KLHDC1: variants seen among roughly 807,000 people sequenced by gnomAD.
The protein encoded by KLHDC1 is kelch domain-containing protein 1.
In KLHDC1, 53 loss-of-function variants were observed where a neutral mutation model predicts 68.3. The observed-to-expected ratio is 0.78, with a 90% CI of 0.62 to 0.98. The LOEUF (loss-of-function observed/expected upper bound fraction) is 0.98. KLHDC1 is among the 50% of genes least tolerant of loss of function. The pLI, the probability that KLHDC1 is intolerant of heterozygous loss-of-function variation, is 0.00. For missense variants in KLHDC1, 470 were observed against 492.3 expected, an observed-to-expected ratio of 0.95 and a Z score of 0.43; for synonymous variants, 148 against 159.0, an observed-to-expected ratio of 0.93 and a Z score of 0.52.
chr14:49,733,938 A>G (rs1888874928), intron 9 of KLHDC1, among the ~76,000 whole-genome samples: 1 of 152,208 alleles, frequency 6.6e-6, no homozygotes, highest in Admixed American at 6.5e-5. Context: ...GATGTTAGTT[A>G]TTCTTGCACA....
chr14:49,704,387 G>GTTTTTTT lies in KLHDC1; in HGVS notation c.97-4754_97-4748dup, dbSNP rs35067251. 2.5e-3 allele frequency among the ~76,000 whole-genome samples: 173 copies of GTTTTTTT among 68,728 alleles called. 5 individuals are homozygous for GTTTTTTT. The highest frequency in any genetic ancestry group is 2.8e-3 in the Non-Finnish European group (113 of 41,028). 45.1% of individuals were successfully genotyped at this position (68,728 alleles called of 152,430 possible). A position where few individuals can be genotyped will look rare whatever the true frequency, so the allele number is the denominator to read the frequency against. ...GTCTTTTTATTTTTTTTCCTTTTCT[G>GTTTTTTT]TTTTTTTTTTTTTTTTTTTTTTTTG... On this transcript the variant is annotated intron_variant, in intron 1 of 12. Coordinates refer to ENST00000359332, the MANE Select transcript of KLHDC1 (RefSeq NM_172193.3).
At chr14:49,731,084 A>G (rs1888795373) in intron 8 of KLHDC1, among the ~76,000 whole-genome samples, 1 of 152,214 alleles carries the variant, frequency 6.6e-6, no homozygotes, top group Admixed American at 6.5e-5. Flanking sequence ...GTTCTTAACC[A>G]GCCTGACTAA....
chr14:49,706,358 C>T (rs1436207240), intron 1 of KLHDC1, among the ~76,000 whole-genome samples: 1 of 152,050 alleles, frequency 6.6e-6, no homozygotes, highest in Non-Finnish European at 1.5e-5. Context: ...GTATGAGTAC[C>T]ACATTTTCTT....
intron 1 of KLHDC1, among the ~76,000 whole-genome samples, chr14:49,693,681 A>C (rs1427417973): frequency 6.7e-6 from 1 of 149,490 alleles, no homozygotes; most frequent in Non-Finnish European, 1.5e-5. Context: ...CCTTATTCCC[A>C]CGGCGCGATT....
At chr14:49,712,317 T>C (rs1326167878) in intron 4 of KLHDC1, among the ~76,000 whole-genome samples, 1 of 152,216 alleles carries the variant, frequency 6.6e-6, no homozygotes, top group African/African-American at 2.4e-5. Context: ...AGAAACCATG[T>C]CATTTGGCTA....
chr14:49,750,522 G>A (rs773625089), intron 12 of KLHDC1, among the ~76,000 whole-genome samples: 17 of 152,176 alleles, frequency 1.1e-4, no homozygotes, highest in Non-Finnish European at 2.4e-4. Context: ...TTGTTCCAGA[G>A]TGGAGGGAAA....
chr14:49,710,331 G>A lies in KLHDC1; in HGVS notation c.354G>A (p.Gly118=), dbSNP rs8017121. 13,659 of 1,611,672 alleles carry A rather than the reference G, an allele frequency of 8.5e-3. 977 individuals are homozygous for A. In the African/African-American group the frequency reaches 0.16, roughly 19 times the overall value. Reference sequence around the variant, plus strand: ...GGGAGAAAATCACCGACTTTGAAGGGCAACCACCTACACCACGTGATAAAC... The same window carrying A: ...GGGAGAAAATCACCGACTTTGAAGGACAACCACCTACACCACGTGATAAAC... The part of the protein sequence containing the change: ...YIWEKITDFE[G]QPPTPRDKLS... Residue 118 remains glycine (G), a synonymous_variant, in exon 4 of 13, where the codon GGG becomes GGA. Coordinates refer to ENST00000359332, the MANE Select transcript of KLHDC1 (RefSeq NM_172193.3).
At chr14:49,722,450 C>G (rs944454388) in intron 4 of KLHDC1, among the ~76,000 whole-genome samples, 1 of 152,082 alleles carries the variant, frequency 6.6e-6, no homozygotes, top group Non-Finnish European at 1.5e-5. Context: ...TGAACTCATC[C>G]TTTTTTATGG....
At chr14:49,693,975 C>A (rs1478266247) in intron 1 of KLHDC1, among the ~76,000 whole-genome samples, 6 of 151,674 alleles carry the variant, frequency 4.0e-5, no homozygotes, top group Admixed American at 1.3e-4. Flanking sequence ...TGGTCTTGAA[C>A]TCGCGACCTC....
intron 12 of KLHDC1, among the ~76,000 whole-genome samples, chr14:49,744,640 C>T (rs1442363877): frequency 3.3e-5 from 5 of 151,870 alleles, no homozygotes; most frequent in African/African-American, 1.2e-4. Context: ...TAAATAATCT[C>T]TATATTACTC....
intron 11 of KLHDC1, among the ~76,000 whole-genome samples, chr14:49,743,213 A>G (rs988725519): frequency 6.6e-6 from 1 of 151,970 alleles, no homozygotes; most frequent in African/African-American, 2.4e-5. Context: ...CCTGGCCAAC[A>G]TGGCGAAACC....
In KLHDC1 at chr14:49,725,702, G is replaced by A; in HGVS notation, c.500G>A (p.Trp167Ter). 7.1e-7 allele frequency: 1 copy of A among 1,410,942 alleles called. No homozygotes were observed. The highest frequency in any genetic ancestry group is 9.3e-7 in the Non-Finnish European group (1 of 1,072,100). 87.4% of individuals were successfully genotyped at this position (1,410,942 alleles called of 1,614,324 possible). A position where few individuals can be genotyped will look rare whatever the true frequency, so the allele number is the denominator to read the frequency against. ...CTCTTTTAGGAAGAGCAGATATTCT[G>A]GGGATGGCATAATGATGTCCACATA... ...HDASWEEQIF[W>*]GWHNDVHIFD... Residue 167 changes from tryptophan to a stop codon, truncating the protein, a stop_gained, in exon 6 of 13, where the codon TGG becomes TAG. Transcript: ENST00000359332. LOFTEE classifies it high-confidence loss of function.
intron 10 of KLHDC1, among the ~76,000 whole-genome samples, chr14:49,739,620 T>A (rs1889012092): frequency 6.6e-6 from 1 of 152,164 alleles, no homozygotes; most frequent in Admixed American, 6.6e-5. Flanking sequence ...ACATCGCAGA[T>A]AGTAATAAGA....
At chr14:49,706,342 C>T (rs1475186891) in intron 1 of KLHDC1, among the ~76,000 whole-genome samples, 1 of 152,112 alleles carries the variant, frequency 6.6e-6, no homozygotes, top group Non-Finnish European at 1.5e-5. Context: ...AATGGTGCTC[C>T]ATTGTGTATG....
At chr14:49,733,430 CTT>C (rs763516095) in intron 9 of KLHDC1, among the ~76,000 whole-genome samples, 17 of 138,654 alleles carry the variant, frequency 1.2e-4, no homozygotes, top group Non-Finnish European at 1.1e-4. Context: ...ATTTTCTTTT[CTT>C]TTTTTTTTTT....
rs756017811 is a variant in KLHDC1 at position 49,732,809 on chromosome 14, C to T, written c.816C>T (p.Ile272=). 1.4e-6 allele frequency: 2 copies of T among 1,445,704 alleles called. No individual in the cohort carries two copies. Among genetic ancestry groups the T allele is most frequent in the Non-Finnish European group, 1.9e-6 (2 of 1,028,350 alleles). 89.6% of individuals were successfully genotyped at this position (1,445,704 alleles called of 1,614,324 possible). A position where few individuals can be genotyped will look rare whatever the true frequency, so the allele number is the denominator to read the frequency against. Residue 272 remains isoleucine, a synonymous_variant, in exon 9 of 13, where the codon ATC becomes ATT. Coordinates refer to ENST00000359332, the MANE Select transcript of KLHDC1 (RefSeq NM_172193.3). ...GTGGTGGACTAAGTGCAGATAATAT[C>T]CCATTAAGTAAGTTGATTAAGGTTT... is the stretch of plus-strand genomic sequence containing the variant. ...FLCGGLSADN[I]PLSDGWIHNV...
At chr14:49,728,843 G>A in intron 6 of KLHDC1, 83 bp from the exon 7 acceptor site, 1 of 969,328 alleles carries the variant, frequency 1.0e-6, no homozygotes, top group Non-Finnish European at 1.7e-6. Context: ...TAGTGATTAA[G>A]ACTTTCACAT....
At chr14:49,738,203 T>C (rs905679516) in intron 10 of KLHDC1, among the ~76,000 whole-genome samples, 1 of 152,016 alleles carries the variant, frequency 6.6e-6, no homozygotes, top group East Asian at 1.9e-4. Context: ...AATGTGATAT[T>C]GGAAATAGAC....
At chr14:49,718,504 C>A (rs965003959) in intron 4 of KLHDC1, among the ~76,000 whole-genome samples, 11 of 152,128 alleles carry the variant, frequency 7.2e-5, no homozygotes, top group African/African-American at 2.2e-4. Context: ...TGGTCTTGAA[C>A]TCCTGGACTC....
Sources: gnomAD v4.1 joint callset for allele counts (sites outside exome capture counted in the v4.1 genomes callset) on GRCh38, gnomAD v4.1.1 for gene constraint, MANE v1.5 for transcripts, NCBI Gene and HGNC (gene_info 2026-07-23, HGNC 2026-07-21) for gene names.